PCDHA9: variants seen among roughly 807,000 people sequenced by gnomAD.
PCDHA9 encodes protocadherin alpha-9.
In PCDHA9, 62 loss-of-function variants were observed where a neutral mutation model predicts 62.0. The ratio of observed to expected loss-of-function variants is 1.00; its 90% confidence interval spans 0.81 to 1.23. The LOEUF is 1.23. Ranked by LOEUF, PCDHA9 falls within the 50% of genes most tolerant of loss-of-function variation. PCDHA9 has a pLI of 0.00. For synonymous variants in PCDHA9, 557 were observed against 567.6 expected, an observed-to-expected ratio of 0.98 and a Z score of 0.27; for missense variants, 1,205 against 1,249.8, an observed-to-expected ratio of 0.96 and a Z score of 0.54.
At chr5:140,877,721 A>G in intron 1 of PCDHA9, 1 of 1,614,000 alleles carries the variant, frequency 6.2e-7, no homozygotes, top group East Asian at 2.2e-5. Context: ...AGTTGGTCTT[A>G]CTCGCAGCAG....
intron 1 of PCDHA9, chr5:140,884,166 C>T: frequency 1.2e-6 from 2 of 1,613,430 alleles, no homozygotes; most frequent in Non-Finnish European, 1.7e-6. Context: ...GAGATCAGCA[C>T]GACGCGCCCT....
At chr5:140,870,630 G>A (rs2052239024) in intron 1 of PCDHA9, 15 of 1,613,008 alleles carry the variant, frequency 9.3e-6, no homozygotes, top group Non-Finnish European at 1.3e-5. Context: ...ACGTGTCGGT[G>A]CACGCGGAGA....
In PCDHA9 at chr5:140,953,296, G is replaced by A. The variant is rs118116883; in HGVS notation, c.2395-25653G>A. 7.9e-5 allele frequency among the ~76,000 whole-genome samples: 12 copies of A among 152,162 alleles called. No individual in the cohort carries two copies. The East Asian group carries it at 1.5e-3, about 20-fold the overall frequency. Reference sequence around the variant, plus strand: ...TGCTCTTTATATGTGATTCAGGGACGGCAGAGATGTGGGAAGAATTTGATC... The same window carrying A: ...TGCTCTTTATATGTGATTCAGGGACAGCAGAGATGTGGGAAGAATTTGATC... On this transcript the variant is annotated intron_variant, in intron 1 of 3. Coordinates refer to ENST00000532602, the MANE Select transcript of PCDHA9 (RefSeq NM_031857.2).
intron 1 of PCDHA9, among the ~76,000 whole-genome samples, chr5:140,888,469 T>C (rs892080299): frequency 2.0e-5 from 3 of 152,230 alleles, no homozygotes; most frequent in South Asian, 4.1e-4. Flanking sequence ...AAAATGTCAG[T>C]AGTTCCACTG....
At chr5:140,969,670 T>C (rs1481481821) in intron 1 of PCDHA9, among the ~76,000 whole-genome samples, 1 of 152,192 alleles carries the variant, frequency 6.6e-6, no homozygotes, top group African/African-American at 2.4e-5. Context: ...AGTAATGTTA[T>C]GAGACTCAAG....
At chr5:140,867,469 T>C (rs895909736) in intron 1 of PCDHA9, 2 of 152,068 alleles carry the variant, frequency 1.3e-5, no homozygotes, top group Non-Finnish European at 2.9e-5. Context: ...TATGACAACA[T>C]TGGGAAAAGA....
At chr5:141,008,626 A>G (rs375674921) in intron 3 of PCDHA9, among the ~76,000 whole-genome samples, 1 of 152,222 alleles carries the variant, frequency 6.6e-6, no homozygotes. Context: ...TTTCTCAAGT[A>G]TAATTAACAA....
Position 140,880,781 on chromosome 5 carries a change from G to C in PCDHA9, c.2394+29892G>C, listed in dbSNP as rs575201091. Reference sequence around the variant, plus strand: ...GTGTTGGAGGCTAAAAAGAATGTTAGAGGAGTAATATAAATAGGTGAATGA... The same window carrying C: ...GTGTTGGAGGCTAAAAAGAATGTTACAGGAGTAATATAAATAGGTGAATGA... On this transcript the variant is annotated intron_variant, in intron 1 of 3. Transcript: ENST00000532602. Among the ~76,000 whole-genome samples the C allele has an allele frequency of 5.9e-5, 9 of 152,346 alleles. No homozygotes were observed. In the East Asian group the frequency reaches 1.3e-3, roughly 23 times the overall value.
intron 1 of PCDHA9, chr5:140,851,170 A>T: frequency 7.9e-7 from 1 of 1,265,740 alleles, no homozygotes; most frequent in Non-Finnish European, 1.0e-6. Flanking sequence ...ATGCTGCCAT[A>T]ACACTTGAAA....
At chr5:140,985,557 G>A (rs1190905215) in intron 3 of PCDHA9, among the ~76,000 whole-genome samples, 1 of 152,118 alleles carries the variant, frequency 6.6e-6, no homozygotes, top group East Asian at 1.9e-4. Context: ...GCTTCCAAAA[G>A]GCTTCTTTCT....
At chr5:140,921,213 G>C (rs759293646) in intron 1 of PCDHA9, among the ~76,000 whole-genome samples, 2 of 151,378 alleles carry the variant, frequency 1.3e-5, no homozygotes, top group African/African-American at 2.4e-5. Flanking sequence ...GATAATTCAC[G>C]TCTTTTTTGC....
chr5:140,923,456 G>T (rs1554201450), intron 1 of PCDHA9, among the ~76,000 whole-genome samples: 3 of 152,134 alleles, frequency 2.0e-5, no homozygotes, highest in African/African-American at 7.2e-5. Flanking sequence ...TGAGCCCAGA[G>T]AGGTAGGGGC....
At chr5:140,971,221 G>A (rs1234658755) in intron 1 of PCDHA9, among the ~76,000 whole-genome samples, 1 of 152,082 alleles carries the variant, frequency 6.6e-6, no homozygotes, top group East Asian at 1.9e-4. Flanking sequence ...TCCCTCTCCT[G>A]ACTCAAAGCT....
At chr5:140,904,314 T>C (rs1554191432) in intron 1 of PCDHA9, among the ~76,000 whole-genome samples, 1 of 152,080 alleles carries the variant, frequency 6.6e-6, no homozygotes, top group Admixed American at 6.6e-5. Flanking sequence ...TTTCTTCACT[T>C]AGAATAATGG....
At chr5:140,876,168 C>A in intron 1 of PCDHA9, 5 of 1,613,918 alleles carry the variant, frequency 3.1e-6, no homozygotes, top group Non-Finnish European at 4.2e-6. Context: ...AAATAACCGT[C>A]CTGGATGTGA....
Position 140,949,482 on chromosome 5 carries a change from A to G in PCDHA9, c.2395-29467A>G, listed in dbSNP as rs1435722195. Among the ~76,000 whole-genome samples, 4 of 151,834 alleles carry G rather than the reference A, an allele frequency of 2.6e-5. No homozygotes were observed. The South Asian group carries it at 8.3e-4, about 31-fold the overall frequency. ...TGAAGCCCTGTTATTAGGCACACACATTGATGATTATTATAATTTCCTGAT... is the reference window on the plus strand; with the variant it reads ...TGAAGCCCTGTTATTAGGCACACACGTTGATGATTATTATAATTTCCTGAT... On this transcript the variant is annotated intron_variant, in intron 1 of 3. Transcript: ENST00000532602.
chr5:140,925,671 A>G (rs999903876), intron 1 of PCDHA9, among the ~76,000 whole-genome samples: 5 of 148,178 alleles, frequency 3.4e-5, no homozygotes, highest in African/African-American at 1.2e-4. Flanking sequence ...TAATAATAAT[A>G]ATAATAAAGC....
chr5:140,968,761 T>C (rs782432205), intron 1 of PCDHA9: 1 of 1,614,140 alleles, frequency 6.2e-7, no homozygotes, highest in South Asian at 1.1e-5. Flanking sequence ...TCCGAGATAA[T>C]GGAGAGCCAT....
intron 1 of PCDHA9, chr5:140,927,385 C>G: frequency 6.2e-7 from 1 of 1,614,098 alleles, no homozygotes; most frequent in East Asian, 2.2e-5. Flanking sequence ...CAGCCTAAGC[C>G]CCAGTCAGCA....
Sources: allele counts gnomAD v4.1 joint callset (sites outside exome capture counted in the v4.1 genomes callset), GRCh38; gene constraint gnomAD v4.1.1; transcripts MANE v1.5; gene names NCBI Gene and HGNC (gene_info 2026-07-23, HGNC 2026-07-21).